Variants in BRINP2 observed in about 807,000 individuals in gnomAD.
The protein encoded by BRINP2 is BMP/retinoic acid inducible neural specific 2, also known as BMP/retinoic acid-inducible neural-specific protein 2.
A neutral mutation model predicts 69.2 loss-of-function variants in BRINP2; 21 were observed. That is an observed-to-expected ratio of 0.30 (90% CI 0.22 to 0.44). The LOEUF is 0.44. Among genes scored for constraint, BRINP2 ranks in the 20% least tolerant of loss-of-function variants. The pLI, the probability that BRINP2 is intolerant of heterozygous loss-of-function variation, is 1.00. For missense variants in BRINP2, 877 were observed against 986.0 expected (o/e 0.89, Z 1.48); for synonymous variants, 380 against 394.1 (o/e 0.96, Z 0.42).
chr1:177,219,540 A>G (rs1649466961), intron 1 of BRINP2, among the ~76,000 whole-genome samples: 1 of 152,226 alleles, frequency 6.6e-6, no homozygotes, highest in African/African-American at 2.4e-5. Context: ...ATTTACAAAC[A>G]CAATCCTGGA....
rs1432339063 is a variant in BRINP2, at chr1:177,280,870, A to G, written c.1694A>G (p.His565Arg). ...AACAAGTACAAGCCTGGGCTGGTGC[A>G]CGTGATGTTGGCCTTGTCCTTGCAG... ...KSNKYKPGLV[H>R]VMLALSLQIC... Residue 565 changes from histidine to arginine, a missense_variant, in exon 8 of 8, where the codon CAC (histidine) becomes CGC (arginine). Around this residue, in one of 3 missense-constraint regions of BRINP2, gnomAD observed 86 missense variants for 142.1 expected, o/e 0.61. Transcript: ENST00000361539. 1 of 1,614,058 alleles carries G rather than the reference A, an allele frequency of 6.2e-7. No individual in the cohort carries two copies. The highest frequency in any genetic ancestry group is 8.5e-7 in the Non-Finnish European group (1 of 1,180,012).
chr1:177,256,172 C>A, intron 3 of BRINP2, 63 bp downstream of exon 3: 1 of 1,549,520 alleles, frequency 6.5e-7, no homozygotes, highest in Non-Finnish European at 8.8e-7. Context: ...CGTTAAGACT[C>A]GTGTAGCGTA....
At chr1:177,274,478 A>G (rs960277062) in intron 5 of BRINP2, among the ~76,000 whole-genome samples, 1 of 152,228 alleles carries the variant, frequency 6.6e-6, no homozygotes, top group African/African-American at 2.4e-5. Context: ...TAAGAAATAT[A>G]TAAGAAAGAG....
chr1:177,209,114 T>A (rs1387355098), intron 1 of BRINP2, among the ~76,000 whole-genome samples: 1 of 152,022 alleles, frequency 6.6e-6, no homozygotes, highest in Non-Finnish European at 1.5e-5. Flanking sequence ...TCACTTAGGC[T>A]ACAGTGTGAA....
At chr1:177,225,246 T>C (rs1054002169) in intron 1 of BRINP2, among the ~76,000 whole-genome samples, 1 of 152,236 alleles carries the variant, frequency 6.6e-6, no homozygotes, top group Non-Finnish European at 1.5e-5. Context: ...ATTTACTCCA[T>C]GGCTTAAAGA....
At chr1:177,240,096 G>T (rs1048843988) in intron 2 of BRINP2, among the ~76,000 whole-genome samples, 1 of 152,170 alleles carries the variant, frequency 6.6e-6, no homozygotes, top group Non-Finnish European at 1.5e-5. Flanking sequence ...TCTTTGTTAT[G>T]AGCCCCAGTG....
In BRINP2 at chr1:177,171,160, G is replaced by T. The variant is rs1479825211; in HGVS notation, c.-649G>T. 6.6e-6 allele frequency among the ~76,000 whole-genome samples: 1 copy of T among 152,250 alleles called. No individual in the cohort carries two copies. The highest frequency in any genetic ancestry group is 2.4e-5 in the African/African-American group (1 of 41,474). Reference sequence around the variant, plus strand: ...GCGCTCCGAGGTCAGTGGCAGGTCTGCAGGCAGCCGAGGGAGCGGTGAAGC... The same window carrying T: ...GCGCTCCGAGGTCAGTGGCAGGTCTTCAGGCAGCCGAGGGAGCGGTGAAGC... On this transcript the variant is annotated 5_prime_UTR_variant, in exon 1 of 8. Coordinates refer to ENST00000361539, the MANE Select transcript of BRINP2 (RefSeq NM_021165.4).
chr1:177,196,264 G>A (rs1571891575), intron 1 of BRINP2, among the ~76,000 whole-genome samples: 1 of 152,156 alleles, frequency 6.6e-6, no homozygotes, highest in East Asian at 1.9e-4. Flanking sequence ...CAGTGCTCAG[G>A]CCCTAGTTCC....
At position 177,265,835 on chromosome 1, in the gene BRINP2, T is replaced by G. The variant is rs149746625; in HGVS notation, c.670-7653T>G. ...TTTTCCATGAGGTTTAATAATAAAGTGTAGGCCAGCTGCGGTGGCTCACAC... is the reference window on the plus strand; with the variant it reads ...TTTTCCATGAGGTTTAATAATAAAGGGTAGGCCAGCTGCGGTGGCTCACAC... On this transcript the variant is annotated intron_variant, in intron 4 of 7. Transcript: ENST00000361539. Among the ~76,000 whole-genome samples the G allele has an allele frequency of 3.3e-3, 505 of 152,186 alleles. 4 individuals are homozygous for G. The highest frequency in any genetic ancestry group is 0.012 in the African/African-American group (489 of 41,516).
intron 2 of BRINP2, among the ~76,000 whole-genome samples, chr1:177,232,659 C>A (rs1649898672): frequency 6.6e-6 from 1 of 152,052 alleles, no homozygotes; most frequent in African/African-American, 2.4e-5. Flanking sequence ...TTTCTAGTGG[C>A]AATTTCCTCT....
At chr1:177,258,863 G>T (rs1650852250) in intron 4 of BRINP2, among the ~76,000 whole-genome samples, 1 of 152,156 alleles carries the variant, frequency 6.6e-6, no homozygotes, top group Non-Finnish European at 1.5e-5. Context: ...CCAACTGGCT[G>T]TTCCCCTATC....
rs957814397 is a variant in BRINP2, at chr1:177,199,706, G to A, written c.-77+27974G>A. ...GTTGAGAAATTTGAGATTCAAGCACGTCCCAAGATTGTTTTGTTGATGTAC... is the reference window on the plus strand; with the variant it reads ...GTTGAGAAATTTGAGATTCAAGCACATCCCAAGATTGTTTTGTTGATGTAC... On this transcript the variant is annotated intron_variant, in intron 1 of 7. Coordinates refer to ENST00000361539, the MANE Select transcript of BRINP2 (RefSeq NM_021165.4). 5.3e-5 allele frequency among the ~76,000 whole-genome samples: 8 copies of A among 152,200 alleles called. No individual in the cohort carries two copies. In the East Asian group the frequency reaches 5.8e-4, roughly 11 times the overall value.
intron 1 of BRINP2, among the ~76,000 whole-genome samples, chr1:177,217,222 A>G (rs1649406497): frequency 1.3e-5 from 2 of 150,950 alleles, no homozygotes; most frequent in African/African-American, 2.4e-5. Context: ...TACTCCTCTG[A>G]TTGGGTAATT....
intron 1 of BRINP2, among the ~76,000 whole-genome samples, chr1:177,203,959 T>C (rs960327947): frequency 4.6e-5 from 7 of 152,238 alleles, no homozygotes; most frequent in South Asian, 2.1e-4. Flanking sequence ...GAACTCAGAA[T>C]TGTGGGCTAA....
chr1:177,256,749 T>G (rs937470368), intron 3 of BRINP2: 262 of 1,090,074 alleles, frequency 2.4e-4, no homozygotes, highest in Non-Finnish European at 4.6e-5. Context: ...TCGGGCCAGC[T>G]GTCGGCACGC....
At chr1:177,233,252 G>T (rs560945979) in intron 2 of BRINP2, among the ~76,000 whole-genome samples, 17 of 152,286 alleles carry the variant, frequency 1.1e-4, no homozygotes, top group African/African-American at 4.1e-4. Flanking sequence ...AAGAGTGAAG[G>T]TCCTGGAGCC....
At chr1:177,267,056 T>A (rs1651151880) in intron 4 of BRINP2, among the ~76,000 whole-genome samples, 1 of 152,128 alleles carries the variant, frequency 6.6e-6, no homozygotes, top group Non-Finnish European at 1.5e-5. Flanking sequence ...AATGAATGAG[T>A]CCCTGGACAT....
In BRINP2 at chr1:177,262,955, G is replaced by C. The variant is rs1455014604; in HGVS notation, c.669+5571G>C. Among the ~76,000 whole-genome samples the C allele has an allele frequency of 2.0e-5, 3 of 152,166 alleles. No individual in the cohort carries two copies. The East Asian group carries it at 5.8e-4, about 29-fold the overall frequency. ...TAAGTTTTATCAGCTACATTTAGCAGTTCATGTATAGGTAGGCATGGAATA... is the reference window on the plus strand; with the variant it reads ...TAAGTTTTATCAGCTACATTTAGCACTTCATGTATAGGTAGGCATGGAATA... On this transcript the variant is annotated intron_variant, in intron 4 of 7. Coordinates refer to ENST00000361539, the MANE Select transcript of BRINP2 (RefSeq NM_021165.4).
At chr1:177,206,716 G>A (rs1649079433) in intron 1 of BRINP2, among the ~76,000 whole-genome samples, 1 of 152,126 alleles carries the variant, frequency 6.6e-6, no homozygotes, top group Admixed American at 6.5e-5. Flanking sequence ...GATGTTAGTA[G>A]GAAGCATGAA....
Sources: allele counts gnomAD v4.1 joint callset (sites outside exome capture counted in the v4.1 genomes callset), GRCh38; gene constraint gnomAD v4.1.1; regional missense constraint gnomAD v4.1.1; transcripts MANE v1.5; gene names NCBI Gene and HGNC (gene_info 2026-07-23, HGNC 2026-07-21).